Variants in DNAJB6 observed in about 807,000 individuals in gnomAD.
DNAJB6 encodes DnaJ heat shock protein family (Hsp40) member B6.
DNAJB6 carries 16 observed loss-of-function variants against 42.7 expected under a neutral mutation model. The observed-to-expected ratio is 0.37, with a 90% CI of 0.25 to 0.57. DNAJB6 has a LOEUF of 0.57. Ranked by LOEUF, DNAJB6 falls within the 20% of genes least tolerant of loss-of-function variation. DNAJB6 has a pLI of 0.74. For missense variants in DNAJB6, 347 were observed against 416.8 expected (o/e 0.83, Z 1.46); for synonymous variants, 170 against 163.5 (o/e 1.04, Z -0.30).
intron 9 of DNAJB6, 41 bp from the exon 10 acceptor site, chr7:157,415,975 G>T: frequency 6.2e-7 from 1 of 1,613,954 alleles, no homozygotes; most frequent in Non-Finnish European, 8.5e-7. Context: ...TGGGGAAGCA[G>T]TGCTGTTCCG....
At chr7:157,389,223 C>T (rs1298950896) in intron 8 of DNAJB6, among the ~76,000 whole-genome samples, 1 of 152,126 alleles carries the variant, frequency 6.6e-6, no homozygotes, top group African/African-American at 2.4e-5. Context: ...TCTTGATTAC[C>T]TTCTAGATAT....
intron 5 of DNAJB6, among the ~76,000 whole-genome samples, chr7:157,376,274 A>T (rs1584917900): frequency 6.7e-6 from 1 of 150,366 alleles, no homozygotes; most frequent in African/African-American, 2.5e-5. Context: ...GTATATATAT[A>T]TTTTTTGGTC....
chr7:157,403,465 T>A (rs1795614482), intron 8 of DNAJB6, among the ~76,000 whole-genome samples: 1 of 152,152 alleles, frequency 6.6e-6, no homozygotes, highest in South Asian at 2.1e-4. Context: ...GGTGTGTGGC[T>A]TTTTTGTTTG....
chr7:157,344,321 G>A (rs557582149), intron 1 of DNAJB6, among the ~76,000 whole-genome samples: 1 of 151,792 alleles, frequency 6.6e-6, no homozygotes, highest in East Asian at 2.0e-4. Flanking sequence ...ACTGCACTCT[G>A]CCTGGGTGAC....
intron 9 of DNAJB6, chr7:157,412,352 T>G (rs1414284235): frequency 6.6e-6 from 1 of 152,150 alleles, no homozygotes; most frequent in Non-Finnish European, 1.5e-5. Flanking sequence ...GGCTCGCTCA[T>G]TATACAATGA....
chr7:157,409,818 G>A lies in DNAJB6; in HGVS notation c.715G>A (p.Ala239Thr). Residue 239 changes from alanine (A) to threonine (T), a missense_variant, in exon 9 of 10, where the codon GCT becomes ACT. This residue lies in a region of DNAJB6 where 264 missense variants were observed against 288.0 expected (regional missense o/e 0.92). Transcript: ENST00000262177. ...INGVADDDAL[A>T]EERMRRGQNA... ...AGGTGTGGCCGACGACGATGCCCTC[G>A]CTGAGGAGCGCATGCGGAGAGGCCA... The A allele has an allele frequency of 6.5e-7, 1 of 1,531,754 alleles. No individual in the cohort carries two copies. Among genetic ancestry groups the A allele is most frequent in the Non-Finnish European group, 8.7e-7 (1 of 1,144,224 alleles). The allele number at this position is 1,531,754 out of a possible 1,614,324, so 94.9% of individuals were successfully genotyped here. A position where few individuals can be genotyped will look rare whatever the true frequency, so the allele number is the denominator to read the frequency against.
chr7:157,384,765 G>T, intron 6 of DNAJB6, 102 bp from the exon 7 acceptor site: 3 of 1,162,370 alleles, frequency 2.6e-6, no homozygotes, highest in Non-Finnish European at 3.7e-6. Flanking sequence ...TCGGTTCTAT[G>T]CCTTAACATT....
chr7:157,393,517 T>C (rs778575424), intron 8 of DNAJB6, among the ~76,000 whole-genome samples: 1 of 152,114 alleles, frequency 6.6e-6, no homozygotes, highest in Non-Finnish European at 1.5e-5. Context: ...TGATTTTACT[T>C]TGGGTTTTAG....
intron 8 of DNAJB6, among the ~76,000 whole-genome samples, chr7:157,389,798 G>A (rs899036887): frequency 7.9e-5 from 12 of 152,216 alleles, no homozygotes; most frequent in African/African-American, 2.7e-4. Context: ...GTTTATGATT[G>A]GGCGTTAGAA....
intron 8 of DNAJB6, among the ~76,000 whole-genome samples, chr7:157,392,500 T>G (rs1283722375): frequency 1.3e-5 from 2 of 152,136 alleles, no homozygotes; most frequent in African/African-American, 2.4e-5. Context: ...CTGTGTGTGT[T>G]TACTTTTATT....
intron 3 of DNAJB6, 57 bp from the exon 4 acceptor site, chr7:157,366,445 A>C: frequency 6.8e-7 from 1 of 1,468,356 alleles, no homozygotes; most frequent in Non-Finnish European, 9.5e-7. Flanking sequence ...TACCTTATCT[A>C]TTGAATTAAG....
At position 157,393,219 on chromosome 7, in the gene DNAJB6, C is replaced by T. The variant is rs551589488; in HGVS notation, c.691+7608C>T. On this transcript the variant is annotated intron_variant, in intron 8 of 9. Transcript: ENST00000262177. The stretch of plus-strand genomic sequence containing the variant: ...CCAAACTCCTGACCTCGAGTTATCC[C>T]GCCCTCCTTGGCCTCCCAAAGTGCT... Among the ~76,000 whole-genome samples the T allele has an allele frequency of 5.3e-5, 8 of 152,236 alleles. No individual in the cohort carries two copies. In the East Asian group the frequency reaches 1.2e-3, roughly 22 times the overall value.
Position 157,409,778 on chromosome 7 carries a change from T to TC in DNAJB6, c.692-14dup, listed in dbSNP as rs1222866756. ...CGCCGCTCACTCACGGCTCTCTCTC[T>TC]CCCGCTGTGCCTGCAGGTGTGGCCG... On this transcript the variant is annotated splice_polypyrimidine_tract_variant and intron_variant, in intron 8 of 9. Transcript: ENST00000262177. 1.4e-5 allele frequency: 21 copies of TC among 1,516,358 alleles called. No homozygotes were observed. The highest frequency in any genetic ancestry group is 2.8e-5 in the African/African-American group (2 of 72,066). The allele number at this position is 1,516,358 out of a possible 1,614,324, so 93.9% of individuals were successfully genotyped here. A position where few individuals can be genotyped will look rare whatever the true frequency, so the allele number is the denominator to read the frequency against.
chr7:157,337,565 G>A (rs927839867), intron 1 of DNAJB6: 9 of 152,204 alleles, frequency 5.9e-5, no homozygotes, highest in East Asian at 1.9e-4. Context: ...AACCAGAAAC[G>A]GGAGTGGCTT....
chr7:157,353,229 A>T (rs1031067159), intron 1 of DNAJB6, among the ~76,000 whole-genome samples: 2 of 150,562 alleles, frequency 1.3e-5, no homozygotes, highest in Non-Finnish European at 2.9e-5. Flanking sequence ...CACCCGGTCC[A>T]GTTTGGTTTC....
At position 157,369,192 on chromosome 7, in the gene DNAJB6, A is replaced by T. The variant is rs190750551; in HGVS notation, c.346+1709A>T. 2.3e-4 allele frequency: 101 copies of T among 438,904 alleles called. 1 individual carries two copies. Among genetic ancestry groups the T allele is most frequent in the Non-Finnish European group, 2.7e-4 (60 of 218,430 alleles). The allele number at this position is 438,904 out of a possible 1,614,324, so 27.2% of individuals were successfully genotyped here. On this transcript the variant is annotated intron_variant, in intron 5 of 9. Coordinates refer to ENST00000262177, the MANE Select transcript of DNAJB6 (RefSeq NM_058246.4). ...ATTTGCTGTAATCACTGCTGCCATC[A>T]GCAGAAACAGAGCTCAAGAAAGAAC...
intron 8 of DNAJB6, among the ~76,000 whole-genome samples, chr7:157,406,039 C>T (rs772408726): frequency 1.1e-4 from 16 of 152,230 alleles, no homozygotes; most frequent in African/African-American, 2.9e-4. Flanking sequence ...AGCAGGAGGA[C>T]GCCCAGAGCC....
At chr7:157,368,354 A>C (rs974498540) in intron 5 of DNAJB6, among the ~76,000 whole-genome samples, 2 of 152,204 alleles carry the variant, frequency 1.3e-5, no homozygotes, top group African/African-American at 4.8e-5. Context: ...TTGCCACATC[A>C]TATTCCTGGT....
chr7:157,360,831 C>G (rs1180226337), intron 2 of DNAJB6, among the ~76,000 whole-genome samples: 1 of 152,200 alleles, frequency 6.6e-6, no homozygotes, highest in East Asian at 1.9e-4. Context: ...TTGAGTCACA[C>G]ACCATGGGCC....
Sources: gnomAD v4.1 joint callset for allele counts (sites outside exome capture counted in the v4.1 genomes callset) on GRCh38, gnomAD v4.1.1 for gene constraint, gnomAD v4.1.1 regional missense constraint, MANE v1.5 for transcripts, NCBI Gene and HGNC (gene_info 2026-07-23, HGNC 2026-07-21) for gene names.